Variants in NOS1AP observed in about 807,000 individuals in gnomAD.
NOS1AP encodes nitric oxide synthase 1 adaptor protein.
Under a neutral mutation model 56.2 loss-of-function variants are expected in NOS1AP, and 21 were observed. That is an observed-to-expected ratio of 0.37 (90% CI 0.26 to 0.54). The LOEUF (loss-of-function observed/expected upper bound fraction) is 0.54. Among genes scored for constraint, NOS1AP ranks in the 20% least tolerant of loss-of-function variants. NOS1AP has a pLI of 0.84. For synonymous variants in NOS1AP, 270 were observed against 274.6 expected (o/e 0.98, Z 0.17); for missense variants, 522 against 657.8 (o/e 0.79, Z 2.26).
Position 162,168,039 on chromosome 1 carries a change from T to C in NOS1AP, c.177+13563T>C, listed in dbSNP as rs571599540. Among the ~76,000 whole-genome samples the C allele has an allele frequency of 3.3e-5, 5 of 151,462 alleles. No homozygotes were observed. The East Asian group carries it at 9.7e-4, about 29-fold the overall frequency. ...TACCAGTGAAAATAGCAAGTCTACA[T>C]TGATGTTAGTTGTTATATAACAGGC... On this transcript the variant is annotated intron_variant, in intron 2 of 9. Coordinates refer to ENST00000361897, the MANE Select transcript of NOS1AP (RefSeq NM_014697.3).
intron 4 of NOS1AP, among the ~76,000 whole-genome samples, chr1:162,301,397 G>A (rs1655648418): frequency 6.6e-6 from 1 of 152,174 alleles, no homozygotes; most frequent in African/African-American, 2.4e-5. Flanking sequence ...CTCACTAGAT[G>A]CCGAATCTGC....
intron 1 of NOS1AP, among the ~76,000 whole-genome samples, chr1:162,084,449 C>T (rs1691960916): frequency 6.6e-6 from 1 of 152,080 alleles, no homozygotes; most frequent in African/African-American, 2.4e-5. Flanking sequence ...GCCTTAGTAC[C>T]ACTGGGGTGG....
intron 1 of NOS1AP, among the ~76,000 whole-genome samples, chr1:162,073,136 C>T (rs563733653): frequency 5.9e-5 from 9 of 152,168 alleles, no homozygotes; most frequent in Non-Finnish European, 1.0e-4. Context: ...AGTGCAATCC[C>T]AGATTTTTTT....
chr1:162,092,349 C>T (rs1692153770), intron 1 of NOS1AP, among the ~76,000 whole-genome samples: 1 of 152,166 alleles, frequency 6.6e-6, no homozygotes, highest in Admixed American at 6.5e-5. Flanking sequence ...AGGATTTCAT[C>T]AGCACTATCA....
intron 2 of NOS1AP, among the ~76,000 whole-genome samples, chr1:162,210,156 G>T (rs1209686419): frequency 6.6e-6 from 1 of 152,180 alleles, no homozygotes; most frequent in Non-Finnish European, 1.5e-5. Flanking sequence ...GCTCTGAGGG[G>T]GAGAGAGTAT....
At chr1:162,074,130 A>G (rs1691722057) in intron 1 of NOS1AP, among the ~76,000 whole-genome samples, 1 of 152,274 alleles carries the variant, frequency 6.6e-6, no homozygotes, top group Admixed American at 6.5e-5. Context: ...AGACAGGCAC[A>G]GGCACATTAG....
chr1:162,251,602 A>ATGTGTGTGTGTGTG (rs35955567), intron 2 of NOS1AP, among the ~76,000 whole-genome samples: 371 of 146,280 alleles, frequency 2.5e-3, no homozygotes, highest in Non-Finnish European at 4.1e-3. Context: ...AAATATATAT[A>ATGTGTGTGTGTGTG]TGTGTGTGTG....
intron 4 of NOS1AP, among the ~76,000 whole-genome samples, chr1:162,330,600 C>A (rs559143624): frequency 1.3e-5 from 2 of 152,328 alleles, no homozygotes; most frequent in Admixed American, 6.5e-5. Context: ...GTAGGTACAC[C>A]ATGCTAAGGA....
At chr1:162,296,137 A>C (rs772447971) in intron 3 of NOS1AP, among the ~76,000 whole-genome samples, 7 of 152,130 alleles carry the variant, frequency 4.6e-5, no homozygotes, top group Non-Finnish European at 5.9e-5. Context: ...AAATACAAAA[A>C]TTAGCTGGGC....
chr1:162,209,224 T>C (rs1652262214), intron 2 of NOS1AP, among the ~76,000 whole-genome samples: 1 of 152,228 alleles, frequency 6.6e-6, no homozygotes, highest in African/African-American at 2.4e-5. Context: ...GAAATATTTC[T>C]GGTGCCCCTT....
At chr1:162,322,379 G>A (rs1390393462) in intron 4 of NOS1AP, among the ~76,000 whole-genome samples, 3 of 152,184 alleles carry the variant, frequency 2.0e-5, no homozygotes, top group Non-Finnish European at 4.4e-5. Flanking sequence ...GGACCTGCCA[G>A]CCAGGCATGC....
At chr1:162,138,884 G>T (rs1263737787) in intron 1 of NOS1AP, among the ~76,000 whole-genome samples, 1 of 152,184 alleles carries the variant, frequency 6.6e-6, no homozygotes, top group African/African-American at 2.4e-5. Context: ...GGTTCACACA[G>T]GGCCAGGGAT....
intron 1 of NOS1AP, among the ~76,000 whole-genome samples, chr1:162,086,917 C>T (rs931571029): frequency 9.9e-5 from 15 of 152,264 alleles, no homozygotes; most frequent in East Asian, 7.7e-4. Context: ...AACAACTCCA[C>T]GCTCATCTTG....
chr1:162,219,299 G>A (rs539861660), intron 2 of NOS1AP, among the ~76,000 whole-genome samples: 18 of 152,188 alleles, frequency 1.2e-4, no homozygotes, highest in African/African-American at 4.1e-4. Flanking sequence ...AGTAGCAGTC[G>A]TCTCTAAGGA....
intron 2 of NOS1AP, among the ~76,000 whole-genome samples, chr1:162,246,510 CAT>C (rs1387333786): frequency 6.6e-6 from 1 of 152,138 alleles, no homozygotes; most frequent in African/African-American, 2.4e-5. Flanking sequence ...ACTAGGAAAA[CAT>C]ATAATTCTTG....
Position 162,364,443 on chromosome 1 carries a change from A to T in NOS1AP, c.940-961A>T, listed in dbSNP as rs113958097. The T allele has an allele frequency of 1.2e-3, 1,172 of 985,430 alleles. 14 individuals are homozygous for T. The African/African-American group carries it at 0.019, about 16-fold the overall frequency. The allele number at this position is 985,430 out of a possible 1,614,324, so 61.0% of individuals were successfully genotyped here. Reference sequence around the variant, plus strand: ...AACACTGGTATTGGCCTTCTAACTCAGTTTCTTCAAACCAGGGTCCTGGTC... The same window carrying T: ...AACACTGGTATTGGCCTTCTAACTCTGTTTCTTCAAACCAGGGTCCTGGTC... On this transcript the variant is annotated intron_variant, in intron 8 of 9. Coordinates refer to ENST00000361897, the MANE Select transcript of NOS1AP (RefSeq NM_014697.3).
chr1:162,163,090 C>T (rs1340903120), intron 2 of NOS1AP, among the ~76,000 whole-genome samples: 5 of 152,070 alleles, frequency 3.3e-5, no homozygotes, highest in South Asian at 2.1e-4. Flanking sequence ...TTTCATTTAG[C>T]GTAATGTTTT....
At chr1:162,289,868 A>G (rs150006724) in intron 3 of NOS1AP, among the ~76,000 whole-genome samples, 1 of 152,134 alleles carries the variant, frequency 6.6e-6, no homozygotes, top group Non-Finnish European at 1.5e-5. Flanking sequence ...GTTGTTGTCC[A>G]TCATGGGGCA....
At chr1:162,182,228 A>AG (rs142008984) in intron 2 of NOS1AP, among the ~76,000 whole-genome samples, 2,108 of 152,298 alleles carry the variant, frequency 0.014, 59 homozygotes, top group African/African-American at 0.048. Context: ...GTCACTGTGC[A>AG]GGGTACTTTC....
Sources: gnomAD v4.1 joint callset for allele counts (sites outside exome capture counted in the v4.1 genomes callset) on GRCh38, gnomAD v4.1.1 for gene constraint, MANE v1.5 for transcripts, NCBI Gene and HGNC (gene_info 2026-07-23, HGNC 2026-07-21) for gene names.